The following KIZ variants were observed in gnomAD, a reference collection of about 807,000 sequenced individuals.
KIZ encodes kizuna centrosomal protein, also known as centrosomal protein kizuna.
KIZ carries 68 observed loss-of-function variants against 79.6 expected under a neutral mutation model. That is an observed-to-expected ratio of 0.85 (90% CI 0.70 to 1.05). The LOEUF (loss-of-function observed/expected upper bound fraction) is 1.05. Among genes scored for constraint, KIZ ranks in the 50% least tolerant of loss-of-function variants. The pLI is 0.00. For synonymous variants in KIZ, 280 were observed against 281.8 expected (o/e 0.99, Z 0.06); for missense variants, 797 against 800.4 (o/e 1.00, Z 0.05).
chr20:21,187,568 G>T (rs1361206012), intron 6 of KIZ, among the ~76,000 whole-genome samples: 1 of 152,100 alleles, frequency 6.6e-6, no homozygotes, highest in South Asian at 2.1e-4. Flanking sequence ...CCTTCTCCCT[G>T]AATCCGCTCA....
chr20:21,177,209 T>A (rs1246567018), intron 6 of KIZ, among the ~76,000 whole-genome samples: 1 of 152,226 alleles, frequency 6.6e-6, no homozygotes, highest in East Asian at 1.9e-4. Context: ...CCACCAACAG[T>A]GTACTAGAGT....
intron 6 of KIZ, chr20:21,166,499 A>C (rs2033945972): frequency 3.2e-6 from 5 of 1,561,482 alleles, no homozygotes; most frequent in Non-Finnish European, 4.4e-6. Flanking sequence ...CCGGACGATG[A>C]CTTTGGAGCA....
chr20:21,154,118 C>T (rs1193172833), intron 4 of KIZ: 1 of 152,020 alleles, frequency 6.6e-6, no homozygotes, highest in African/African-American at 2.4e-5. Flanking sequence ...ATAATTGTAC[C>T]ATGTGAGAAG....
chr20:21,241,488 G>A (rs13042216), intron 11 of KIZ, among the ~76,000 whole-genome samples: 2 of 151,950 alleles, frequency 1.3e-5, no homozygotes, highest in African/African-American at 4.8e-5. Flanking sequence ...AATTAAGAAC[G>A]ATTACACAAT....
chr20:21,236,188 A>T (rs996500238), intron 11 of KIZ, among the ~76,000 whole-genome samples: 1 of 152,252 alleles, frequency 6.6e-6, no homozygotes, highest in African/African-American at 2.4e-5. Context: ...CAGGCAGCTG[A>T]AAGTGGCATC....
chr20:21,194,224 T>A (rs767217470), intron 6 of KIZ: 5 of 152,140 alleles, frequency 3.3e-5, no homozygotes, highest in Non-Finnish European at 7.4e-5. Context: ...TGTCCACAAG[T>A]TACTTGTCAT....
intron 7 of KIZ, among the ~76,000 whole-genome samples, chr20:21,207,923 GGCT>G (rs2035903637): frequency 6.6e-6 from 1 of 152,058 alleles, no homozygotes; most frequent in Non-Finnish European, 1.5e-5. Flanking sequence ...GTGTTGGCCA[GGCT>G]GATCTCAAAC....
chr20:21,137,470 C>T (rs1363199860), intron 3 of KIZ, among the ~76,000 whole-genome samples: 1 of 149,080 alleles, frequency 6.7e-6, no homozygotes, highest in Non-Finnish European at 1.5e-5. Flanking sequence ...CTGAGCCCCC[C>T]TACCTTTTTT....
chr20:21,141,881 G>A (rs1274972136), intron 3 of KIZ, among the ~76,000 whole-genome samples: 6 of 147,978 alleles, frequency 4.1e-5, no homozygotes, highest in African/African-American at 1.0e-4. Context: ...ATACACAGAC[G>A]TGCACATTTT....
intron 6 of KIZ, among the ~76,000 whole-genome samples, chr20:21,176,541 C>T (rs1175028063): frequency 8.7e-6 from 1 of 114,762 alleles, no homozygotes; most frequent in Non-Finnish European, 1.9e-5. Context: ...TGGCTTTCAA[C>T]AAAAAACATT....
chr20:21,238,276 A>G (rs1377830077), intron 11 of KIZ, among the ~76,000 whole-genome samples: 1 of 151,090 alleles, frequency 6.6e-6, no homozygotes, highest in Non-Finnish European at 1.5e-5. Flanking sequence ...TCTGTATGGC[A>G]TCATGTACTT....
intron 12 of KIZ, chr20:21,245,086 C>T: frequency 6.6e-6 from 1 of 152,250 alleles, no homozygotes; most frequent in East Asian, 1.9e-4. Context: ...TCTCTCACCT[C>T]CTGTCTCCTT....
intron 11 of KIZ, among the ~76,000 whole-genome samples, chr20:21,237,743 C>T (rs1036884895): frequency 3.9e-5 from 6 of 152,198 alleles, no homozygotes; most frequent in African/African-American, 1.4e-4. Flanking sequence ...TCCTGTGGTC[C>T]CCCTAGCTAT....
intron 4 of KIZ, among the ~76,000 whole-genome samples, chr20:21,159,538 G>A (rs1178295110): frequency 6.8e-6 from 1 of 147,600 alleles, no homozygotes; most frequent in African/African-American, 2.7e-5. Flanking sequence ...TCGGTCCCCA[G>A]CCTGGGGCAA....
At chr20:21,189,576 A>G (rs2035027946) in intron 6 of KIZ, among the ~76,000 whole-genome samples, 1 of 152,206 alleles carries the variant, frequency 6.6e-6, no homozygotes, top group Non-Finnish European at 1.5e-5. Context: ...GTTCGTTCTG[A>G]AAATTAAAAT....
chr20:21,140,176 G>A (rs2032437093), intron 3 of KIZ, among the ~76,000 whole-genome samples: 1 of 152,170 alleles, frequency 6.6e-6, no homozygotes, highest in African/African-American at 2.4e-5. Flanking sequence ...GCCCAGGTAT[G>A]CCAGAACCAC....
chr20:21,212,550 T>C (rs2036111972), intron 7 of KIZ, among the ~76,000 whole-genome samples: 2 of 152,234 alleles, frequency 1.3e-5, no homozygotes, highest in South Asian at 4.1e-4. Flanking sequence ...GTTCAGTAGG[T>C]TAGGTGTGTT....
At chr20:21,145,219 A>G (rs954474051) in intron 3 of KIZ, among the ~76,000 whole-genome samples, 1 of 151,888 alleles carries the variant, frequency 6.6e-6, no homozygotes, top group Admixed American at 6.6e-5. Context: ...CTAATGTGCT[A>G]CTTTCATAAT....
chr20:21,228,936 C>T (rs2036740086), intron 9 of KIZ, 75 bp from the exon 10 acceptor site: 1 of 742,398 alleles, frequency 1.3e-6, no homozygotes. Flanking sequence ...GTGTTAATCT[C>T]ATAGGAAGAA....
Sources: allele counts gnomAD v4.1 joint callset (sites outside exome capture counted in the v4.1 genomes callset), GRCh38; gene constraint gnomAD v4.1.1; transcripts MANE v1.5; gene names NCBI Gene and HGNC (gene_info 2026-07-23, HGNC 2026-07-21).